GRB10: variants seen among roughly 807,000 people sequenced by gnomAD.
GRB10 encodes growth factor receptor-bound protein 10.
Under a neutral mutation model 80.9 loss-of-function variants are expected in GRB10, and 20 were observed. The ratio of observed to expected loss-of-function variants is 0.25; its 90% CI spans 0.17 to 0.36. The LOEUF is 0.36. Ranked by LOEUF, GRB10 falls within the 10% of genes least tolerant of loss-of-function variation. The pLI is 1.00. For synonymous variants in GRB10, 291 were observed against 291.5 expected (o/e 1.00, Z 0.02); for missense variants, 548 against 747.7 (o/e 0.73, Z 3.12).
chr7:50,790,562 C>T (rs1216714242), intron 1 of GRB10, among the ~76,000 whole-genome samples: 2 of 152,240 alleles, frequency 1.3e-5, no homozygotes, highest in Non-Finnish European at 2.9e-5. Flanking sequence ...TGCAAAGGCA[C>T]AGGCTTCCCC....
At chr7:50,783,931 T>C (rs1447812910), upstream of GRB10, among the ~76,000 whole-genome samples, 1 of 152,076 alleles carries the variant, frequency 6.6e-6, no homozygotes, top group African/African-American at 2.4e-5. Context: ...AGTGCAGATA[T>C]GCACTCCAAA....
chr7:50,663,801 C>T (rs1177124772), intron 7 of GRB10, among the ~76,000 whole-genome samples: 2 of 152,214 alleles, frequency 1.3e-5, no homozygotes, highest in Non-Finnish European at 2.9e-5. Context: ...AGATCCAGTG[C>T]CCATCAGGGA....
chr7:50,730,724 C>A (rs1345364345), intron 4 of GRB10, among the ~76,000 whole-genome samples: 1 of 152,178 alleles, frequency 6.6e-6, no homozygotes, highest in Admixed American at 6.5e-5. Context: ...AAGGGAGGAA[C>A]TGACACAGCT....
intron 10 of GRB10, among the ~76,000 whole-genome samples, chr7:50,616,590 G>T (rs1353876742): frequency 6.6e-6 from 1 of 152,204 alleles, no homozygotes; most frequent in African/African-American, 2.4e-5. Context: ...CACGAGTCAT[G>T]AATTTCCCTA....
chr7:50,623,789 T>A (rs529896091), intron 8 of GRB10, among the ~76,000 whole-genome samples: 24 of 152,310 alleles, frequency 1.6e-4, no homozygotes, highest in Admixed American at 1.0e-3. Flanking sequence ...ATATCCCTTA[T>A]CCTAAATGCC....
chr7:50,601,199 T>A (rs73129091), intron 17 of GRB10, among the ~76,000 whole-genome samples: 1 of 152,158 alleles, frequency 6.6e-6, no homozygotes, highest in Admixed American at 6.5e-5. Flanking sequence ...ATTTGTACAA[T>A]GAAATGACAG....
At chr7:50,649,107 G>A (rs150821899) in intron 7 of GRB10, among the ~76,000 whole-genome samples, 6 of 152,106 alleles carry the variant, frequency 3.9e-5, no homozygotes, top group East Asian at 3.9e-4. Flanking sequence ...CCTTGTACTC[G>A]TCTGCCTGGG....
intron 2 of GRB10, among the ~76,000 whole-genome samples, chr7:50,774,661 A>G (rs1562686998): frequency 6.6e-6 from 1 of 152,208 alleles, no homozygotes; most frequent in Non-Finnish European, 1.5e-5. Context: ...ATAAGGAGAC[A>G]CAAACATTCA....
At chr7:50,634,844 T>G (rs1220338656) in intron 7 of GRB10, among the ~76,000 whole-genome samples, 2 of 152,202 alleles carry the variant, frequency 1.3e-5, no homozygotes, top group African/African-American at 2.4e-5. Flanking sequence ...AGGACATAAA[T>G]TTTGGAAATA....
At chr7:50,759,885 G>T (rs1460042263) in intron 2 of GRB10, among the ~76,000 whole-genome samples, 1 of 152,178 alleles carries the variant, frequency 6.6e-6, no homozygotes, top group Non-Finnish European at 1.5e-5. Context: ...AGGGGGCAGA[G>T]CGCGGACACC....
At chr7:50,631,348 G>A (rs1034346729) in intron 7 of GRB10, among the ~76,000 whole-genome samples, 5 of 151,912 alleles carry the variant, frequency 3.3e-5, no homozygotes, top group South Asian at 4.2e-4. Context: ...AGACGGCCCA[G>A]CCTCCAGGGT....
chr7:50,770,054 T>G (rs572683628), intron 2 of GRB10, among the ~76,000 whole-genome samples: 1 of 152,292 alleles, frequency 6.6e-6, no homozygotes, highest in Admixed American at 6.5e-5. Flanking sequence ...CCTATGCTTG[T>G]GCATCACAGC....
chr7:50,733,845 T>C (rs1020704234), intron 3 of GRB10, among the ~76,000 whole-genome samples: 12 of 152,260 alleles, frequency 7.9e-5, no homozygotes, highest in Admixed American at 7.2e-4. Context: ...CTACAGTTAC[T>C]TGGCTTAAAG....
intron 15 of GRB10, 135 bp downstream of exon 15, chr7:50,605,155 A>C: frequency 1.8e-6 from 1 of 559,670 alleles, no homozygotes; most frequent in Non-Finnish European, 3.1e-6. Flanking sequence ...TGCTTCCTGC[A>C]GCTGAGAACT....
In GRB10 at chr7:50,652,529, C is replaced by T. The variant is rs77493749; in HGVS notation, c.504+17193G>A. 7.6e-3 allele frequency among the ~76,000 whole-genome samples: 1,156 copies of T among 152,240 alleles called. 12 individuals are homozygous for T. The highest frequency in any genetic ancestry group is 0.025 in the African/African-American group (1,018 of 41,538). On this transcript the variant is annotated intron_variant, in intron 7 of 18. Transcript: ENST00000401949. ...ACTGAACTGACTGCTAATAAAAGAA[C>T]AAACAATGCCTTTGAGGGAGATGGC...
At chr7:50,596,361 A>G (rs1380827377) in intron 17 of GRB10, among the ~76,000 whole-genome samples, 1 of 152,218 alleles carries the variant, frequency 6.6e-6, no homozygotes, top group Non-Finnish European at 1.5e-5. Flanking sequence ...TGAAGATGAC[A>G]CAACATCACT....
chr7:50,728,491 G>A (rs2069047186), intron 4 of GRB10, among the ~76,000 whole-genome samples: 1 of 152,100 alleles, frequency 6.6e-6, no homozygotes, highest in Non-Finnish European at 1.5e-5. Flanking sequence ...AAATGGGGAG[G>A]AGATGAGCTG....
intron 4 of GRB10, among the ~76,000 whole-genome samples, chr7:50,724,697 A>T (rs1038411197): frequency 1.3e-5 from 2 of 152,168 alleles, no homozygotes; most frequent in Non-Finnish European, 2.9e-5. Flanking sequence ...ACCCCGACAA[A>T]GGAAGGATGC....
intron 6 of GRB10, among the ~76,000 whole-genome samples, chr7:50,672,234 G>C (rs2060441613): frequency 6.6e-6 from 1 of 152,154 alleles, no homozygotes; most frequent in Non-Finnish European, 1.5e-5. Flanking sequence ...CATGCTCCGT[G>C]ACCTCTGGTA....
Sources: gnomAD v4.1 joint callset for allele counts (sites outside exome capture counted in the v4.1 genomes callset) on GRCh38, gnomAD v4.1.1 for gene constraint, MANE v1.5 for transcripts, NCBI Gene and HGNC (gene_info 2026-07-23, HGNC 2026-07-21) for gene names.